The following FGF2 variants were observed in gnomAD, a reference collection of about 807,000 sequenced individuals.
The protein encoded by FGF2 is basic fibroblast growth factor bFGF.
FGF2 carries 13 observed loss-of-function variants against 15.9 expected under a neutral mutation model. The ratio of observed to expected loss-of-function variants is 0.82; its 90% CI spans 0.53 to 1.30. The LOEUF (loss-of-function observed/expected upper bound fraction) is 1.30. Ranked by LOEUF, FGF2 falls within the 50% of genes most tolerant of loss-of-function variation. FGF2 has a pLI of 0.00. For missense variants in FGF2, 163 were observed against 196.9 expected (o/e 0.83, Z 1.03); for synonymous variants, 90 against 78.4 (o/e 1.15, Z -0.78).
intron 1 of FGF2, among the ~76,000 whole-genome samples, chr4:122,830,566 C>G (rs1249008653): frequency 3.3e-5 from 5 of 152,098 alleles, no homozygotes; most frequent in African/African-American, 1.2e-4. Flanking sequence ...GAGAGTTTCT[C>G]CTTCTCCAGC....
chr4:122,872,777 C>T (rs1726766968), intron 1 of FGF2, among the ~76,000 whole-genome samples: 1 of 152,140 alleles, frequency 6.6e-6, no homozygotes, highest in African/African-American at 2.4e-5. Flanking sequence ...GCCACACTAA[C>T]CTTCAAAAGC....
In FGF2 at chr4:122,829,910, A is replaced by AC. The variant is rs955916162; in HGVS notation, c.178+2564dup. 3.9e-5 allele frequency among the ~76,000 whole-genome samples: 6 copies of AC among 152,148 alleles called. No individual in the cohort carries two copies. In the South Asian group the frequency reaches 6.2e-4, roughly 16 times the overall value. ...TGATAGTTGACCAAACCATGAGGAG[A>AC]CCCCCCAAAACAAATAAAACTGACC... is the stretch of plus-strand genomic sequence containing the variant. On this transcript the variant is annotated intron_variant, in intron 1 of 2. Coordinates refer to ENST00000644866, the MANE Select transcript of FGF2 (RefSeq NM_001361665.2).
intron 1 of FGF2, among the ~76,000 whole-genome samples, chr4:122,847,496 T>A (rs942972092): frequency 6.6e-6 from 1 of 152,156 alleles, no homozygotes; most frequent in South Asian, 2.1e-4. Flanking sequence ...CTATGTGGAA[T>A]AGGCTGCCTG....
intron 1 of FGF2, among the ~76,000 whole-genome samples, chr4:122,871,692 T>A (rs308373): frequency 0.048 from 7,111 of 148,488 alleles, 319 homozygotes; most frequent in South Asian, 0.15. Context: ...CATCTCCAGG[T>A]GCAGGAGCAA....
Position 122,827,361 on chromosome 4 carries a change from C to T in FGF2, c.178+9C>T, listed in dbSNP as rs1327522834. 1 of 1,612,628 alleles carries T rather than the reference C, an allele frequency of 6.2e-7. No individual in the cohort carries two copies. The highest frequency in any genetic ancestry group is 8.5e-7 in the Non-Finnish European group (1 of 1,179,752). On this transcript the variant is annotated intron_variant, in intron 1 of 2. Coordinates refer to ENST00000644866, the MANE Select transcript of FGF2 (RefSeq NM_001361665.2). The surrounding 1 kb of genome is among the most constrained non-coding windows in gnomAD (Gnocchi z 4.2). The stretch of plus-strand genomic sequence containing the variant: ...GAAGAGCGACCCTCACAGTGAGTGC[C>T]GACCCGCTCTCTCCGCCTCATTTCC...
rs77495782 is a variant in FGF2, at chr4:122,834,787, A to G, written c.178+7435A>G. Among the ~76,000 whole-genome samples the G allele has an allele frequency of 3.8e-3, 584 of 152,262 alleles. 2 individuals carry two copies. Among genetic ancestry groups the G allele is most frequent in the African/African-American group, 0.013 (549 of 41,532 alleles). On this transcript the variant is annotated intron_variant, in intron 1 of 2. Transcript: ENST00000644866. Reference sequence around the variant, plus strand: ...TAAAGGATAATAAGCCTTCCCCAAAACTCAACTGCCTTTATAAAGCTAATG... The same window carrying G: ...TAAAGGATAATAAGCCTTCCCCAAAGCTCAACTGCCTTTATAAAGCTAATG...
At chr4:122,834,973 C>T (rs570666293) in intron 1 of FGF2, among the ~76,000 whole-genome samples, 2 of 152,228 alleles carry the variant, frequency 1.3e-5, no homozygotes, top group South Asian at 4.1e-4. Flanking sequence ...TGTCTGACAC[C>T]CATGGCTCCA....
chr4:122,878,623 ATTT>A (rs1726904044), intron 2 of FGF2, among the ~76,000 whole-genome samples: 1 of 152,150 alleles, frequency 6.6e-6, no homozygotes, highest in Non-Finnish European at 1.5e-5. Flanking sequence ...TTAGATTTAA[ATTT>A]GAGAAAGATC....
In FGF2 at chr4:122,897,907, G is replaced by A. The variant is rs1727413915; in HGVS notation, c.*5511G>A. On this transcript the variant is annotated 3_prime_UTR_variant, in exon 3 of 3. Transcript: ENST00000644866. ...CACCTTTTCTCTTCAGGAAATATAA[G>A]TGGTTTTGTTTGGTTAACGTGATAC... The A allele has an allele frequency of 1.9e-6, 1 of 514,510 alleles. No homozygotes were observed. 31.9% of individuals were successfully genotyped at this position (514,510 alleles called of 1,614,324 possible). A position where few individuals can be genotyped will look rare whatever the true frequency, so the allele number is the denominator to read the frequency against.
At chr4:122,858,559 G>A (rs1194019480) in intron 1 of FGF2, among the ~76,000 whole-genome samples, 1 of 151,948 alleles carries the variant, frequency 6.6e-6, no homozygotes, top group Admixed American at 6.6e-5. Context: ...CATCATGCCT[G>A]GCTAGTTTTT....
At chr4:122,871,062 G>A (rs1020550088) in intron 1 of FGF2, among the ~76,000 whole-genome samples, 1 of 152,066 alleles carries the variant, frequency 6.6e-6, no homozygotes, top group Non-Finnish European at 1.5e-5. Context: ...CTTCATTTCT[G>A]CCGTAATTTC....
At chr4:122,867,292 AAT>A (rs1266148725) in intron 1 of FGF2, among the ~76,000 whole-genome samples, 1 of 152,220 alleles carries the variant, frequency 6.6e-6, no homozygotes, top group Non-Finnish European at 1.5e-5. Context: ...ATGGCATGTG[AAT>A]TATACCTCAA....
At position 122,827,395 on chromosome 4, in the gene FGF2, G is replaced by T; in HGVS notation, c.178+43G>T. 6.2e-7 allele frequency: 1 copy of T among 1,605,850 alleles called. No individual in the cohort carries two copies. The highest frequency in any genetic ancestry group is 8.5e-7 in the Non-Finnish European group (1 of 1,174,494). On this transcript the variant is annotated intron_variant, in intron 1 of 2. Transcript: ENST00000644866. This position sits in a 1 kb window ranked among gnomAD's most constrained non-coding sequence, Gnocchi z 4.2. ...CTCTCCGCCTCATTTCCATTTCGTG[G>T]GTTCTCGCCCGCTCTCTCCCCTCCA...
Position 122,830,232 on chromosome 4 carries a change from G to T in FGF2, c.178+2880G>T, listed in dbSNP as rs118045111. ...TTCTTCCCCAAAAGCTGGCCAGAAG[G>T]ACTGGAGTTTGGGGAGGGATGCTTT... is the stretch of plus-strand genomic sequence containing the variant. On this transcript the variant is annotated intron_variant, in intron 1 of 2. Transcript: ENST00000644866. Among the ~76,000 whole-genome samples, 49 of 152,322 alleles carry T rather than the reference G, an allele frequency of 3.2e-4. 1 individual carries two copies. In the East Asian group the frequency reaches 9.1e-3, roughly 28 times the overall value.
At chr4:122,843,095 A>G (rs1189603759) in intron 1 of FGF2, among the ~76,000 whole-genome samples, 3 of 152,244 alleles carry the variant, frequency 2.0e-5, no homozygotes, top group Admixed American at 6.5e-5. Flanking sequence ...ATATAAATCA[A>G]TAAGGGCAAT....
At chr4:122,891,054 T>G (rs555786982) in intron 2 of FGF2, among the ~76,000 whole-genome samples, 1,612 of 149,580 alleles carry the variant, frequency 0.011, 6 homozygotes, top group Middle Eastern at 0.072. Context: ...TTGTTTTGTT[T>G]TTTTGAGACG....
intron 1 of FGF2, among the ~76,000 whole-genome samples, chr4:122,839,663 C>A (rs1268905620): frequency 6.6e-6 from 1 of 152,142 alleles, no homozygotes; most frequent in Non-Finnish European, 1.5e-5. Context: ...GTTTTCCCCA[C>A]TCCTCACTTC....
chr4:122,888,496 C>G (rs1181042908), intron 2 of FGF2, among the ~76,000 whole-genome samples: 1 of 152,140 alleles, frequency 6.6e-6, no homozygotes, highest in Non-Finnish European at 1.5e-5. Flanking sequence ...CAATAGCCTA[C>G]AAAACTATGA....
At chr4:122,879,809 C>A (rs998893501) in intron 2 of FGF2, among the ~76,000 whole-genome samples, 1 of 152,164 alleles carries the variant, frequency 6.6e-6, no homozygotes, top group African/African-American at 2.4e-5. Context: ...TCTTGTGAGA[C>A]TTACTATCAC....
Sources: gnomAD v4.1 joint callset for allele counts (sites outside exome capture counted in the v4.1 genomes callset) on GRCh38, gnomAD v4.1.1 for gene constraint, Gnocchi (gnomAD v3.1) non-coding constraint, MANE v1.5 for transcripts, NCBI Gene and HGNC (gene_info 2026-07-23, HGNC 2026-07-21) for gene names.